The following SPX variants were observed in gnomAD, a reference collection of about 807,000 sequenced individuals.
SPX encodes spexin.
Under a neutral mutation model 19.2 loss-of-function variants are expected in SPX, and 22 were observed. The ratio of observed to expected loss-of-function variants is 1.15; its 90% CI spans 0.82 to 1.64. The LOEUF is 1.64. Among genes scored for constraint, SPX ranks in the 40% most tolerant of loss-of-function variants. The pLI, the probability that SPX is intolerant of heterozygous loss-of-function variation, is 0.00. For missense variants in SPX, 143 were observed against 137.7 expected (o/e 1.04, Z -0.19); for synonymous variants, 50 against 53.3 (o/e 0.94, Z 0.27).
intron 5 of SPX, among the ~76,000 whole-genome samples, chr12:21,530,013 G>A (rs1034400026): frequency 6.6e-6 from 1 of 152,104 alleles, no homozygotes; most frequent in Non-Finnish European, 1.5e-5. Context: ...AAGAGGAGAG[G>A]TATCTTCATT....
At position 21,527,155 on chromosome 12, in the gene SPX, CT is replaced by C; in HGVS notation, c.109del (p.Trp37GlyfsTer9). 6.2e-7 allele frequency: 1 copy of C among 1,614,042 alleles called. No individual in the cohort carries two copies. The highest frequency in any genetic ancestry group is 8.5e-7 in the Non-Finnish European group (1 of 1,180,006). ...TATAGAGACTGTTGGAGAGAAGGAA[CT>C]GGACTCCTCAAGCTATGCTCTACCT... The part of the protein sequence containing the change: ...APQRLLERRN[W>X]TPQAMLYLKG... On this transcript the variant is annotated frameshift_variant, in exon 3 of 6. Coordinates refer to ENST00000256969, the MANE Select transcript of SPX (RefSeq NM_030572.4). LOFTEE classifies it high-confidence loss of function.
intron 5 of SPX, among the ~76,000 whole-genome samples, chr12:21,529,454 A>C (rs993087411): frequency 6.6e-6 from 1 of 152,106 alleles, no homozygotes; most frequent in African/African-American, 2.4e-5. Context: ...GCAAGCAGAA[A>C]GGTAAGAGGA....
rs865888783 is a variant in SPX, at chr12:21,526,961, C to T, written c.82C>T (p.Pro28Ser). 1 of 1,614,116 alleles carries T rather than the reference C, an allele frequency of 6.2e-7. No individual in the cohort carries two copies. The highest frequency in any genetic ancestry group is 1.3e-5 in the African/African-American group (1 of 75,056). ...FVFLGNSSCAPQRLLERRNWT... is the reference protein window; with the variant it reads ...FVFLGNSSCASQRLLERRNWT... ...TTTCCTGGGAAACTCCAGCTGCGCT[C>T]CGCAGGTAATCAAATGCAAAATAAA... The change falls in exon 2 of 6, where the codon CCG (proline) becomes TCG (serine). Residue 28 changes from proline to serine, a missense_variant. Physicochemically the swap from Pro to Ser is moderately conservative, Grantham distance 74. Transcript: ENST00000256969.
rs1943821712 is a variant in SPX at position 21,527,119 on chromosome 12, T to A, written c.88-16T>A. The A allele has an allele frequency of 1.2e-6, 2 of 1,613,452 alleles. No homozygotes were observed. The highest frequency in any genetic ancestry group is 1.7e-6 in the Non-Finnish European group (2 of 1,179,442). On this transcript the variant is annotated splice_polypyrimidine_tract_variant and intron_variant, in intron 2 of 5. Coordinates refer to ENST00000256969, the MANE Select transcript of SPX (RefSeq NM_030572.4). ...CAATGTTTTATTAACTGCTCTTCCC[T>A]TCCCCCGGGCTATAGAGACTGTTGG...
In SPX at chr12:21,527,736, G is replaced by T. The variant is rs1565586384; in HGVS notation, c.155G>T (p.Arg52Leu). The change falls in exon 4 of 6, where the codon CGC becomes CTC. Residue 52 changes from arginine to leucine, a missense_variant. Arg to Leu is a moderately radical substitution (Grantham distance 102). Coordinates refer to ENST00000256969, the MANE Select transcript of SPX (RefSeq NM_030572.4). ...MLYLKGAQGR[R>L]FISDQSRRKD... ...GGTCTCGTTTTTGCAGAGGGTCGCC[G>T]CTTCATCTCCGACCAGAGCCGGAGA... is the stretch of plus-strand genomic sequence containing the variant. 1.9e-6 allele frequency: 3 copies of T among 1,565,764 alleles called. No homozygotes were observed. Among genetic ancestry groups the T allele is most frequent in the Non-Finnish European group, 2.6e-6 (3 of 1,154,540 alleles).
chr12:21,531,529 T>TTC lies in SPX; in HGVS notation c.*335_*336insCT. On this transcript the variant is annotated 3_prime_UTR_variant, in exon 6 of 6. Transcript: ENST00000256969. ...TACCTGTCTTGATCTTAGTTGTGTT[T>TTC]TTTTTTCATTTTGTTACCCACTTGC... 1.8e-5 allele frequency: 3 copies of TTC among 169,844 alleles called. No individual in the cohort carries two copies. Among genetic ancestry groups the TTC allele is most frequent in the African/African-American group, 7.1e-5 (3 of 42,164 alleles). 10.5% of individuals were successfully genotyped at this position (169,844 alleles called of 1,614,324 possible).
chr12:21,529,406 TG>T (rs561327027), intron 5 of SPX, among the ~76,000 whole-genome samples: 1 of 151,534 alleles, frequency 6.6e-6, no homozygotes, highest in African/African-American at 2.4e-5. Context: ...TCAAGGGAAA[TG>T]GGGGGAAATA....
chr12:21,531,036 G>C, intron 5 of SPX, 101 bp from the exon 6 acceptor site: 2 of 748,610 alleles, frequency 2.7e-6, no homozygotes, highest in Non-Finnish European at 4.4e-6. Flanking sequence ...ACATAGCTTA[G>C]AAGGCTAAAT....
chr12:21,527,025 C>A, intron 2 of SPX, 59 bp downstream of exon 2: 1 of 1,584,224 alleles, frequency 6.3e-7, no homozygotes, highest in East Asian at 2.2e-5. Flanking sequence ...CCACTCTGCT[C>A]TTTCTTTCTT....
chr12:21,528,080 C>T (rs999790652), intron 4 of SPX: 4 of 405,080 alleles, frequency 9.9e-6, no homozygotes, highest in Non-Finnish European at 1.8e-5. Flanking sequence ...TGCGGCTGTT[C>T]AGCCAGCCCT....
In SPX at chr12:21,531,616, A is replaced by G. The variant is rs1396104360; in HGVS notation, c.*421A>G. ...TTTTCCTTTTATCCCATCCCCAAGA[A>G]TGTGGAAGGAAGGTGAGAAACATGG... On this transcript the variant is annotated 3_prime_UTR_variant, in exon 6 of 6. Transcript: ENST00000256969. 1.9e-5 allele frequency: 3 copies of G among 153,998 alleles called. No individual in the cohort carries two copies. Among genetic ancestry groups the G allele is most frequent in the African/African-American group, 7.2e-5 (3 of 41,422 alleles). The allele number at this position is 153,998 out of a possible 1,614,324, so 9.5% of individuals were successfully genotyped here.
chr12:21,531,303 C>A lies in SPX; in HGVS notation c.*108C>A, dbSNP rs778953663. 4.0e-6 allele frequency: 3 copies of A among 757,026 alleles called. No homozygotes were observed. Among genetic ancestry groups the A allele is most frequent in the African/African-American group, 3.6e-5 (2 of 55,084 alleles). 46.9% of individuals were successfully genotyped at this position (757,026 alleles called of 1,614,324 possible). ...TTCCATTTGTAATCTTAAGAACACA[C>A]ACAGATAGTTTTATTCTTTCAGAAA... On this transcript the variant is annotated 3_prime_UTR_variant, in exon 6 of 6. Coordinates refer to ENST00000256969, the MANE Select transcript of SPX (RefSeq NM_030572.4).
Position 21,532,631 on chromosome 12 carries a change from T to C in SPX, c.*1436T>C, listed in dbSNP as rs1052869901. On this transcript the variant is annotated 3_prime_UTR_variant, in exon 6 of 6. Transcript: ENST00000256969. ...TTTTCCAAAAGCATTGTCTTTTATT[T>C]ATACAGTCCTAACCACTTCACCATT... The C allele has an allele frequency of 3.3e-5, 5 of 152,234 alleles. No homozygotes were observed. Among genetic ancestry groups the C allele is most frequent in the Non-Finnish European group, 7.3e-5 (5 of 68,036 alleles). The allele number at this position is 152,234 out of a possible 1,614,324, so 9.4% of individuals were successfully genotyped here. A position where few individuals can be genotyped will look rare whatever the true frequency, so the allele number is the denominator to read the frequency against.
At position 21,531,432 on chromosome 12, in the gene SPX, C is replaced by T; in HGVS notation, c.*237C>T. On this transcript the variant is annotated 3_prime_UTR_variant, in exon 6 of 6. Transcript: ENST00000256969. The stretch of plus-strand genomic sequence containing the variant: ...TTTTCAGATCACCTTGTGTCTTACT[C>T]TTGAGTTTCTTAGAATATTTATAAT... 3.0e-6 allele frequency: 1 copy of T among 332,578 alleles called. No individual in the cohort carries two copies. Among genetic ancestry groups the T allele is most frequent in the Non-Finnish European group, 5.4e-6 (1 of 185,608 alleles). The allele number at this position is 332,578 out of a possible 1,614,324, so 20.6% of individuals were successfully genotyped here. A position where few individuals can be genotyped will look rare whatever the true frequency, so the allele number is the denominator to read the frequency against.
At chr12:21,528,109 A>C (rs1943832694) in intron 4 of SPX, 1 of 334,412 alleles carries the variant, frequency 3.0e-6, no homozygotes, top group African/African-American at 2.2e-5. Flanking sequence ...CAGGGTGTGC[A>C]GAGGTCCCCA....
Position 21,526,351 on chromosome 12 carries a change from C to T in SPX, c.-122C>T. On this transcript the variant is annotated 5_prime_UTR_variant, in exon 1 of 6. Transcript: ENST00000256969. ...CAAGATGTCCCTGTGGACTCCCAAA[C>T]TCTACTCCAGATGGGGAGGTGCCCT... 3.5e-6 allele frequency: 3 copies of T among 861,996 alleles called. No homozygotes were observed. The highest frequency in any genetic ancestry group is 2.6e-5 in the East Asian group (1 of 38,206). 53.4% of individuals were successfully genotyped at this position (861,996 alleles called of 1,614,324 possible).
intron 2 of SPX, 72 bp downstream of exon 2, chr12:21,527,038 T>A: frequency 1.9e-6 from 3 of 1,587,498 alleles, no homozygotes; most frequent in Non-Finnish European, 2.6e-6. Context: ...TCTTTCTTCC[T>A]TCTTGTTTTA....
chr12:21,530,583 C>T (rs1341269925), intron 5 of SPX, among the ~76,000 whole-genome samples: 1 of 152,166 alleles, frequency 6.6e-6, no homozygotes, highest in Non-Finnish European at 1.5e-5. Context: ...TATTGTCTAA[C>T]TCTTTAAGTA....
Position 21,527,964 on chromosome 12 carries a change from A to G in SPX, c.208+175A>G, listed in dbSNP as rs1341744973. 4 of 646,222 alleles carry G rather than the reference A, an allele frequency of 6.2e-6. No individual in the cohort carries two copies. In the East Asian group the frequency reaches 1.3e-4, roughly 20 times the overall value. 40.0% of individuals were successfully genotyped at this position (646,222 alleles called of 1,614,324 possible). A position where few individuals can be genotyped will look rare whatever the true frequency, so the allele number is the denominator to read the frequency against. ...GGCAGCCCGGGTTGGCAGCAGCAGCAGCTGGATGCCGAGCGCCGGAGCTGG... is the reference window on the plus strand; with the variant it reads ...GGCAGCCCGGGTTGGCAGCAGCAGCGGCTGGATGCCGAGCGCCGGAGCTGG... On this transcript the variant is annotated intron_variant, in intron 4 of 5. Coordinates refer to ENST00000256969, the MANE Select transcript of SPX (RefSeq NM_030572.4).
Sources: gnomAD v4.1 joint callset for allele counts (sites outside exome capture counted in the v4.1 genomes callset) on GRCh38, gnomAD v4.1.1 for gene constraint, MANE v1.5 for transcripts, NCBI Gene and HGNC (gene_info 2026-07-23, HGNC 2026-07-21) for gene names.